The following ARHGAP8 variants were observed in gnomAD, a reference collection of about 807,000 sequenced individuals.
The protein encoded by ARHGAP8 is Rho GTPase activating protein 8.
In ARHGAP8, 62 loss-of-function variants were observed where a neutral mutation model predicts 46.1. The observed-to-expected ratio is 1.34, with a 90% confidence interval of 1.10 to 1.66. ARHGAP8 has a LOEUF of 1.66. Among genes scored for constraint, ARHGAP8 ranks in the 40% most tolerant of loss-of-function variants. The pLI is 0.00. For synonymous variants in ARHGAP8, 375 were observed against 243.1 expected, an observed-to-expected ratio of 1.54 and a Z score of -5.05; for missense variants, 923 against 568.4, an observed-to-expected ratio of 1.62 and a Z score of -6.34.
chr22:44,765,282 C>T (rs1925467887), intron 1 of ARHGAP8: 1 of 152,418 alleles, frequency 6.6e-6, no homozygotes, highest in African/African-American at 2.4e-5. Flanking sequence ...TCCCTGTGCC[C>T]TGGGAGGGGT....
chr22:44,839,123 G>A (rs865811662), intron 7 of ARHGAP8, among the ~76,000 whole-genome samples: 5 of 152,014 alleles, frequency 3.3e-5, no homozygotes, highest in Non-Finnish European at 7.4e-5. Flanking sequence ...TGGGAGAAAA[G>A]GACCTGCCTG....
chr22:44,861,620 G>A (rs905416059), intron 11 of ARHGAP8, among the ~76,000 whole-genome samples: 1 of 152,130 alleles, frequency 6.6e-6, no homozygotes, highest in African/African-American at 2.4e-5. Context: ...GTTCCCCCCA[G>A]CTTGAATCTT....
chr22:44,861,602 T>C (rs1186307501), intron 11 of ARHGAP8, among the ~76,000 whole-genome samples: 1 of 152,184 alleles, frequency 6.6e-6, no homozygotes. Flanking sequence ...CCCCTGTTTC[T>C]GACTGAGGTT....
At chr22:44,772,011 C>A (rs182973878) in intron 1 of ARHGAP8, among the ~76,000 whole-genome samples, 1 of 152,248 alleles carries the variant, frequency 6.6e-6, no homozygotes, top group Non-Finnish European at 1.5e-5. Flanking sequence ...CAGTCTTTCA[C>A]TGTTCTGTAT....
chr22:44,781,376 G>T, intron 1 of ARHGAP8, among the ~76,000 whole-genome samples: 1 of 152,144 alleles, frequency 6.6e-6, no homozygotes, highest in East Asian at 1.9e-4. Flanking sequence ...GCAGATTCAG[G>T]AGATTGCAGT....
chr22:44,770,743 A>G (rs1925938928), intron 1 of ARHGAP8, among the ~76,000 whole-genome samples: 2 of 152,142 alleles, frequency 1.3e-5, no homozygotes, highest in Admixed American at 1.3e-4. Flanking sequence ...TATCTATGGG[A>G]GTAATTGGGG....
chr22:44,845,999 CAAG>C (rs1241898341), intron 8 of ARHGAP8, among the ~76,000 whole-genome samples: 5 of 133,734 alleles, frequency 3.7e-5, no homozygotes, highest in African/African-American at 1.2e-4. Context: ...GGGTGTCAGA[CAAG>C]AAGTGAGTGC....
intron 5 of ARHGAP8, among the ~76,000 whole-genome samples, chr22:44,816,400 C>T (rs1176580065): frequency 2.0e-5 from 3 of 152,122 alleles, no homozygotes; most frequent in Admixed American, 6.5e-5. Flanking sequence ...TCCCACCAGC[C>T]GTCTCCCGCC....
chr22:44,861,100 T>A (rs905877718), intron 11 of ARHGAP8, among the ~76,000 whole-genome samples: 1 of 152,184 alleles, frequency 6.6e-6, no homozygotes, highest in Non-Finnish European at 1.5e-5. Flanking sequence ...GCCTCCCACG[T>A]AGCTGGGATT....
Position 44,862,629 on chromosome 22 carries a change from C to T in ARHGAP8, c.*34C>T, listed in dbSNP as rs1258940918. 2.6e-6 allele frequency: 4 copies of T among 1,524,438 alleles called. No individual in the cohort carries two copies. The highest frequency in any genetic ancestry group is 4.2e-5 in the Admixed American group (2 of 47,792). The allele number at this position is 1,524,438 out of a possible 1,614,324, so 94.4% of individuals were successfully genotyped here. ...ACACTCTGTATATTTCGAGCTACCTCCCACACCTGTCTGTGCACTTGTATG... is the reference window on the plus strand; with the variant it reads ...ACACTCTGTATATTTCGAGCTACCTTCCACACCTGTCTGTGCACTTGTATG... On this transcript the variant is annotated 3_prime_UTR_variant, in exon 12 of 12. Coordinates refer to ENST00000356099, the MANE Select transcript of ARHGAP8 (RefSeq NM_181335.3).
intron 9 of ARHGAP8, 126 bp downstream of exon 9, chr22:44,848,176 G>C: frequency 7.4e-7 from 1 of 1,354,064 alleles, no homozygotes; most frequent in Non-Finnish European, 1.0e-6. Context: ...AAACACTCAG[G>C]GTGGGGGCAG....
chr22:44,769,761 A>G (rs1379428018), intron 1 of ARHGAP8, among the ~76,000 whole-genome samples: 1 of 152,210 alleles, frequency 6.6e-6, no homozygotes, highest in Non-Finnish European at 1.5e-5. Context: ...AGAAAACCCA[A>G]TTCATTGAGA....
At chr22:44,837,222 G>C (rs1003586527) in intron 7 of ARHGAP8, among the ~76,000 whole-genome samples, 1 of 152,122 alleles carries the variant, frequency 6.6e-6, no homozygotes, top group African/African-American at 2.4e-5. Context: ...CTCCTTATTT[G>C]TGCATTCCTC....
intron 10 of ARHGAP8, 145 bp from the exon 11 acceptor site, chr22:44,859,586 A>G: frequency 1.3e-6 from 1 of 776,818 alleles, no homozygotes; most frequent in Non-Finnish European, 2.1e-6. Context: ...ATACGGCCAG[A>G]AGATAAGTGG....
chr22:44,792,747 A>G (rs1927784551), intron 2 of ARHGAP8, among the ~76,000 whole-genome samples: 4 of 151,904 alleles, frequency 2.6e-5, no homozygotes, highest in Admixed American at 2.6e-4. Flanking sequence ...GAGTGACCAT[A>G]TGCTTGGCCA....
intron 1 of ARHGAP8, among the ~76,000 whole-genome samples, chr22:44,781,583 G>T (rs1036174832): frequency 6.6e-6 from 1 of 151,970 alleles, no homozygotes; most frequent in Non-Finnish European, 1.5e-5. Flanking sequence ...GAGTGCGATG[G>T]CGCGATCTCA....
At chr22:44,831,084 G>C (rs1930913662) in intron 7 of ARHGAP8, among the ~76,000 whole-genome samples, 3 of 152,152 alleles carry the variant, frequency 2.0e-5, no homozygotes, top group South Asian at 4.2e-4. Context: ...TCAGATGTAT[G>C]GTTTGCAGAT....
chr22:44,844,467 A>T (rs567118023), intron 7 of ARHGAP8, among the ~76,000 whole-genome samples: 1 of 151,930 alleles, frequency 6.6e-6, no homozygotes, highest in East Asian at 1.9e-4. Context: ...ATTTTATTTT[A>T]TTTTATTTTT....
At position 44,825,517 on chromosome 22, in the gene ARHGAP8, C is replaced by T. The variant is rs369660678; in HGVS notation, c.520C>T (p.Arg174Trp). ...DEKLQSLHEG[R>W]TPPPTKTPPP... ...GAAGCTCCAGAGCCTGCACGAGGGC[C>T]GGACGCCGCCTCCCACCAAGACACC... Residue 174 changes from arginine (R) to tryptophan (W), a missense_variant, in exon 7 of 12, where the codon CGG becomes TGG. Physicochemically the swap from Arg to Trp is moderately radical, Grantham distance 101. Transcript: ENST00000356099. 25 of 1,612,976 alleles carry T rather than the reference C, an allele frequency of 1.5e-5. No homozygotes were observed. Among genetic ancestry groups the T allele is most frequent in the South Asian group, 7.7e-5 (7 of 90,984 alleles).
Sources: allele counts gnomAD v4.1 joint callset (sites outside exome capture counted in the v4.1 genomes callset), GRCh38; gene constraint gnomAD v4.1.1; transcripts MANE v1.5; gene names NCBI Gene and HGNC (gene_info 2026-07-23, HGNC 2026-07-21).